Variants in GLOD4 observed in about 807,000 individuals in gnomAD.
GLOD4 encodes the protein glyoxalase domain containing 4.
In GLOD4, 44 loss-of-function variants were observed where a neutral mutation model predicts 39.1. That is an observed-to-expected ratio of 1.13 (90% CI 0.88 to 1.45). GLOD4 has a LOEUF of 1.45. Ranked by LOEUF, GLOD4 falls within the 40% of genes most tolerant of loss-of-function variation. GLOD4 has a pLI of 0.00. For missense variants in GLOD4, 405 were observed against 366.4 expected (o/e 1.11, Z -0.86); for synonymous variants, 145 against 135.0 (o/e 1.07, Z -0.52).
At chr17:783,083 C>T (rs1313509753), upstream of GLOD4, 2 of 1,605,800 alleles carry the variant, frequency 1.2e-6, no homozygotes, top group Admixed American at 1.7e-5. Context: ...CCATCTACAG[C>T]AGTGTAATGA....
chr17:782,464 G>A, upstream of GLOD4: 2 of 1,613,890 alleles, frequency 1.2e-6, no homozygotes, highest in Non-Finnish European at 1.7e-6. Flanking sequence ...GCGAGGCGCT[G>A]GGTCCGGGCG....
intron 8 of GLOD4, among the ~76,000 whole-genome samples, chr17:760,744 C>T (rs1250580990): frequency 3.3e-5 from 5 of 152,170 alleles, no homozygotes; most frequent in African/African-American, 4.8e-5. Flanking sequence ...AGTCTCCTCC[C>T]GGCCTACTCT....
intron 4 of GLOD4, among the ~76,000 whole-genome samples, chr17:772,920 G>A (rs1227810263): frequency 3.9e-5 from 6 of 151,920 alleles, no homozygotes; most frequent in Non-Finnish European, 7.4e-5. Flanking sequence ...GCGTGAACCC[G>A]GGAGGCGGAG....
chr17:776,106 C>T (rs1473410164), intron 3 of GLOD4, among the ~76,000 whole-genome samples, 187 bp from the exon 4 acceptor site: 1 of 152,176 alleles, frequency 6.6e-6, no homozygotes, highest in Non-Finnish European at 1.5e-5. Flanking sequence ...AACATTCAGA[C>T]CTTTGTGAAT....
intron 4 of GLOD4, among the ~76,000 whole-genome samples, chr17:774,998 G>A (rs1398459125): frequency 6.6e-6 from 1 of 152,010 alleles, no homozygotes; most frequent in African/African-American, 2.4e-5. Flanking sequence ...GAACCTGGGA[G>A]GCGGAGGTTG....
chr17:777,623 C>G (rs1249640490), intron 2 of GLOD4: 2 of 151,574 alleles, frequency 1.3e-5, no homozygotes, highest in African/African-American at 4.9e-5. Flanking sequence ...ACCTGGGTGA[C>G]AAAGTGAGAT....
chr17:762,494 CA>C (rs1905653952), intron 8 of GLOD4, among the ~76,000 whole-genome samples: 1 of 148,796 alleles, frequency 6.7e-6, no homozygotes, highest in Non-Finnish European at 1.5e-5. Context: ...CCCCGGCCGG[CA>C]CCTACTCAGT....
intron 5 of GLOD4, chr17:771,084 C>T (rs1359739385): frequency 9.1e-6 from 3 of 329,064 alleles, no homozygotes; most frequent in African/African-American, 2.2e-5. Flanking sequence ...CATTCAATCT[C>T]TTGGATTAAG....
At chr17:766,057 G>A (rs554443149) in intron 8 of GLOD4, among the ~76,000 whole-genome samples, 2 of 152,196 alleles carry the variant, frequency 1.3e-5, no homozygotes, top group South Asian at 4.1e-4. Context: ...AGCACTTTGG[G>A]AGGCCAAGAT....
At chr17:782,402 G>C, upstream of GLOD4, 1 of 1,613,816 alleles carries the variant, frequency 6.2e-7, no homozygotes, top group African/African-American at 1.3e-5. Context: ...TGAGACCCGC[G>C]AGGTTTGTCG....
intron 6 of GLOD4, 125 bp from the exon 7 acceptor site, chr17:770,282 C>A: frequency 1.3e-6 from 1 of 753,944 alleles, no homozygotes; most frequent in Non-Finnish European, 2.4e-6. Flanking sequence ...AATTTATTAT[C>A]TCAGCTGCTC....
At chr17:768,236 G>A (rs1351165136) in intron 8 of GLOD4, among the ~76,000 whole-genome samples, 1 of 150,372 alleles carries the variant, frequency 6.7e-6, no homozygotes, top group African/African-American at 2.5e-5. Context: ...GAGAGAAACA[G>A]CGCGCACTCA....
upstream of GLOD4, chr17:782,302 A>T: frequency 6.2e-7 from 1 of 1,611,706 alleles, no homozygotes; most frequent in Non-Finnish European, 8.5e-7. Flanking sequence ...AGCCCAGTCC[A>T]CGAAGGGCGC....
At chr17:767,747 C>T (rs539138020) in intron 8 of GLOD4, among the ~76,000 whole-genome samples, 1 of 138,144 alleles carries the variant, frequency 7.2e-6, no homozygotes, top group South Asian at 2.4e-4. Flanking sequence ...ACAGCGCGCA[C>T]TCAGATTTTT....
chr17:769,439 C>T (rs1346700601), intron 8 of GLOD4, among the ~76,000 whole-genome samples: 2 of 137,448 alleles, frequency 1.5e-5, no homozygotes, highest in Non-Finnish European at 3.1e-5. Flanking sequence ...CTGAGGGGAA[C>T]GGATAGAGGC....
At chr17:777,156 A>G (rs1422743783) in intron 2 of GLOD4, 168 bp from the exon 3 acceptor site, 1 of 619,802 alleles carries the variant, frequency 1.6e-6, no homozygotes, top group Non-Finnish European at 2.9e-6. Flanking sequence ...GGCAGTGCTC[A>G]TGGGACCCTA....
intron 1 of GLOD4, chr17:781,906 A>C: frequency 2.1e-6 from 1 of 474,908 alleles, no homozygotes; most frequent in Admixed American, 3.7e-5. Context: ...GCGGGGCTCA[A>C]TAAACGTTTA....
chr17:782,637 T>G, upstream of GLOD4: 1 of 1,613,664 alleles, frequency 6.2e-7, no homozygotes, highest in Non-Finnish European at 8.5e-7. Flanking sequence ...TCCCAGCACC[T>G]GGGAAGAGTC....
chr17:760,902 C>CA (rs1905306125), intron 8 of GLOD4, among the ~76,000 whole-genome samples: 1 of 152,162 alleles, frequency 6.6e-6, no homozygotes, highest in South Asian at 2.1e-4. Context: ...GCCTGTGTAA[C>CA]AGAGTGGGAC....
Sources: gnomAD v4.1 joint callset for allele counts (sites outside exome capture counted in the v4.1 genomes callset) on GRCh38, gnomAD v4.1.1 for gene constraint, MANE v1.5 for transcripts, NCBI Gene and HGNC (gene_info 2026-07-23, HGNC 2026-07-21) for gene names.